The following ATXN1 variants were observed in gnomAD, a reference collection of about 807,000 sequenced individuals.
ATXN1 encodes ataxin-1.
ATXN1 carries 8 observed loss-of-function variants against 56.4 expected under a neutral mutation model. The ratio of observed to expected loss-of-function variants is 0.14; its 90% CI spans 0.08 to 0.26. The LOEUF is 0.26. Among genes scored for constraint, ATXN1 ranks in the 10% least tolerant of loss-of-function variants. The probability of loss-of-function intolerance (pLI) is 1.00; values close to 1 mark genes in which losing one functional copy is unlikely to be tolerated. For missense variants in ATXN1, 987 were observed against 1,106.5 expected (o/e 0.89, Z 1.53); for synonymous variants, 514 against 494.6 (o/e 1.04, Z -0.52).
intron 6 of ATXN1, among the ~76,000 whole-genome samples, chr6:16,429,763 T>C (rs1759240019): frequency 6.6e-6 from 1 of 152,172 alleles, no homozygotes; most frequent in African/African-American, 2.4e-5. Flanking sequence ...CTATGAGTTT[T>C]AGGCCCATTC....
At chr6:16,530,564 C>T (rs1761484141) in intron 4 of ATXN1, among the ~76,000 whole-genome samples, 1 of 151,726 alleles carries the variant, frequency 6.6e-6, no homozygotes, top group African/African-American at 2.4e-5. Flanking sequence ...ACTACCCCAT[C>T]GTTTTACTTA....
intron 6 of ATXN1, among the ~76,000 whole-genome samples, chr6:16,395,673 G>A (rs775837247): frequency 3.3e-5 from 5 of 152,086 alleles, no homozygotes; most frequent in Admixed American, 6.6e-5. Context: ...GTGTATTTAC[G>A]ATACTATACT....
chr6:16,436,949 C>A (rs1759406548), intron 6 of ATXN1, among the ~76,000 whole-genome samples: 1 of 152,102 alleles, frequency 6.6e-6, no homozygotes, highest in Non-Finnish European at 1.5e-5. Flanking sequence ...CACCGTGGAC[C>A]AGCAGAATTG....
intron 3 of ATXN1, among the ~76,000 whole-genome samples, chr6:16,605,186 C>T (rs1371489136): frequency 2.6e-5 from 4 of 152,150 alleles, no homozygotes; most frequent in South Asian, 2.1e-4. Context: ...ACTACGTATC[C>T]GATTGACTCA....
intron 3 of ATXN1, among the ~76,000 whole-genome samples, chr6:16,634,380 C>T (rs999435181): frequency 2.6e-5 from 4 of 152,132 alleles, no homozygotes; most frequent in Non-Finnish European, 4.4e-5. Flanking sequence ...ATACTCCCTA[C>T]CTCATAGGGT....
At chr6:16,697,666 A>C (rs1430364533) in intron 2 of ATXN1, among the ~76,000 whole-genome samples, 1 of 120,394 alleles carries the variant, frequency 8.3e-6, no homozygotes, top group Admixed American at 1.2e-4. Context: ...AAATGTTTTT[A>C]ATTGACTCAT....
chr6:16,340,212 G>A (rs1266942656), intron 6 of ATXN1, among the ~76,000 whole-genome samples: 5 of 152,202 alleles, frequency 3.3e-5, no homozygotes, highest in African/African-American at 1.2e-4. Flanking sequence ...GTAACAATGT[G>A]ATTTATGATG....
chr6:16,501,107 G>A (rs1760877610), intron 5 of ATXN1, among the ~76,000 whole-genome samples: 1 of 152,312 alleles, frequency 6.6e-6, no homozygotes, highest in East Asian at 1.9e-4. Context: ...GCATGTGCGT[G>A]AGTGTGCACA....
intron 6 of ATXN1, among the ~76,000 whole-genome samples, chr6:16,330,081 CT>C (rs1208086770): frequency 6.6e-6 from 1 of 152,116 alleles, no homozygotes; most frequent in African/African-American, 2.4e-5. Context: ...TTCTTTCTTT[CT>C]TTCTTTCTTT....
In ATXN1 at chr6:16,327,660, C is replaced by T; in HGVS notation, c.651G>A (p.Gln217=). 1 of 1,554,400 alleles carries T rather than the reference C, an allele frequency of 6.4e-7. No individual in the cohort carries two copies. Among genetic ancestry groups the T allele is most frequent in the Non-Finnish European group, 8.6e-7 (1 of 1,160,012 alleles). The part of the protein sequence containing the change: ...QQHQHQQQQQ[Q]QQQQQQQQHL... ...GCTGCTGCTGCTGCTGCTGCTGCTG[C>T]TGCTGCTGCTGCTGCTGATGCTGAT... Residue 217 remains glutamine (Q), a synonymous_variant, in exon 7 of 8, where the codon CAG becomes CAA. Coordinates refer to ENST00000436367, the MANE Select transcript of ATXN1 (RefSeq NM_001128164.2).
chr6:16,704,766 G>A (rs967166936), intron 2 of ATXN1, among the ~76,000 whole-genome samples: 1 of 152,180 alleles, frequency 6.6e-6, no homozygotes, highest in African/African-American at 2.4e-5. Context: ...CCCTACCTCA[G>A]AGCTGAAGTG....
chr6:16,709,043 A>G (rs1759471002), intron 2 of ATXN1, among the ~76,000 whole-genome samples: 1 of 151,744 alleles, frequency 6.6e-6, no homozygotes, highest in South Asian at 2.1e-4. Flanking sequence ...AAAAAAGAAA[A>G]GAAAAGAAAA....
At chr6:16,702,193 T>C (rs1759300477) in intron 2 of ATXN1, among the ~76,000 whole-genome samples, 2 of 152,228 alleles carry the variant, frequency 1.3e-5, no homozygotes, top group South Asian at 2.1e-4. Flanking sequence ...CATCTACAAC[T>C]ATCCGATCTT....
chr6:16,730,483 G>GTATATATATA (rs1283942311), intron 2 of ATXN1, among the ~76,000 whole-genome samples: 2,311 of 74,396 alleles, frequency 0.031, 70 homozygotes, highest in East Asian at 0.11. Context: ...GGGTAAAACA[G>GTATATATATA]TATGTATATA....
At chr6:16,617,017 G>A (rs922056439) in intron 3 of ATXN1, among the ~76,000 whole-genome samples, 2 of 151,914 alleles carry the variant, frequency 1.3e-5, no homozygotes, top group African/African-American at 4.8e-5. Context: ...ATTTTATCAT[G>A]GTGTGTACGT....
intron 6 of ATXN1, among the ~76,000 whole-genome samples, chr6:16,357,157 C>T (rs537147291): frequency 3.3e-5 from 5 of 152,134 alleles, no homozygotes; most frequent in African/African-American, 7.2e-5. Flanking sequence ...TTATAGGTGG[C>T]GAAACAGGCC....
chr6:16,521,128 AAAAC>A (rs1325166266), intron 5 of ATXN1, among the ~76,000 whole-genome samples: 29 of 152,294 alleles, frequency 1.9e-4, no homozygotes, highest in East Asian at 5.8e-4. Context: ...GATGTCTAAA[AAAAC>A]AAACAAACAA....
At chr6:16,317,053 T>G (rs1322194885) in intron 7 of ATXN1, among the ~76,000 whole-genome samples, 3 of 152,012 alleles carry the variant, frequency 2.0e-5, no homozygotes, top group Non-Finnish European at 4.4e-5. Flanking sequence ...TGAATCACAC[T>G]TCAGTTATTT....
chr6:16,465,793 G>A (rs1760092401), intron 6 of ATXN1, among the ~76,000 whole-genome samples: 1 of 152,154 alleles, frequency 6.6e-6, no homozygotes, highest in Non-Finnish European at 1.5e-5. Context: ...CAGACTCTGG[G>A]AAAGCTCATG....
Sources: allele counts gnomAD v4.1 joint callset (sites outside exome capture counted in the v4.1 genomes callset), GRCh38; gene constraint gnomAD v4.1.1; transcripts MANE v1.5; gene names NCBI Gene and HGNC (gene_info 2026-07-23, HGNC 2026-07-21).